The following CFAP299 variants were observed in gnomAD, a reference collection of about 807,000 sequenced individuals.
CFAP299 encodes the protein cilia and flagella associated protein 299.
In CFAP299, 21 loss-of-function variants were observed where a neutral mutation model predicts 27.0. The ratio of observed to expected loss-of-function variants is 0.78; its 90% CI spans 0.55 to 1.12. CFAP299 has a LOEUF of 1.12. CFAP299 is among the 50% of genes most tolerant of loss of function. The probability of loss-of-function intolerance (pLI) is 0.00; values close to 1 mark genes in which losing one functional copy is unlikely to be tolerated. For synonymous variants in CFAP299, 104 were observed against 98.1 expected (o/e 1.06, Z -0.36); for missense variants, 310 against 276.6 (o/e 1.12, Z -0.86).
intron 3 of CFAP299, among the ~76,000 whole-genome samples, chr4:80,645,995 T>A (rs915818111): frequency 6.6e-6 from 1 of 152,212 alleles, no homozygotes; most frequent in Non-Finnish European, 1.5e-5. Context: ...TTTAGCATAA[T>A]CTTGAAATAT....
At chr4:80,417,263 C>T (rs1727064077) in intron 2 of CFAP299, among the ~76,000 whole-genome samples, 1 of 152,116 alleles carries the variant, frequency 6.6e-6, no homozygotes, top group Admixed American at 6.5e-5. Context: ...CTCTTATCAC[C>T]ATCTTGGTTT....
At position 80,339,084 on chromosome 4, in the gene CFAP299, G is replaced by C. The variant is rs149869473; in HGVS notation, c.111+3205G>C. Among the ~76,000 whole-genome samples, 161 of 152,264 alleles carry C rather than the reference G, an allele frequency of 1.1e-3. 3 individuals are homozygous for C. Among genetic ancestry groups the C allele is most frequent in the African/African-American group, 3.7e-3 (153 of 41,552 alleles). On this transcript the variant is annotated intron_variant, in intron 1 of 5. Transcript: ENST00000358105. ...ATTTATTCCCTGCCATCTTCCTACT[G>C]TCTGTGGTTTAGAAGCAGCTACCTT...
chr4:80,629,950 C>G (rs947103928), intron 3 of CFAP299, among the ~76,000 whole-genome samples: 4 of 150,318 alleles, frequency 2.7e-5, no homozygotes, highest in African/African-American at 9.8e-5. Context: ...CCAACTGAAA[C>G]TTTTCTGAAT....
intron 3 of CFAP299, among the ~76,000 whole-genome samples, chr4:80,655,449 A>G (rs1740506883): frequency 6.6e-6 from 1 of 152,148 alleles, no homozygotes; most frequent in African/African-American, 2.4e-5. Flanking sequence ...CAAGTCTGTA[A>G]AAGCTAGAAT....
intron 3 of CFAP299, among the ~76,000 whole-genome samples, chr4:80,637,015 ATTGT>A (rs1739489309): frequency 6.6e-6 from 1 of 152,196 alleles, no homozygotes; most frequent in Non-Finnish European, 1.5e-5. Context: ...CTATCAAATA[ATTGT>A]TTGAAACTCC....
intron 2 of CFAP299, among the ~76,000 whole-genome samples, chr4:80,475,902 C>A (rs1730250692): frequency 6.6e-6 from 1 of 152,106 alleles, no homozygotes; most frequent in South Asian, 2.1e-4. Flanking sequence ...GAAAAAGATT[C>A]AATGAGGCTG....
At chr4:80,603,277 T>C (rs1737460043) in intron 3 of CFAP299, among the ~76,000 whole-genome samples, 1 of 152,172 alleles carries the variant, frequency 6.6e-6, no homozygotes, top group Non-Finnish European at 1.5e-5. Flanking sequence ...GAAGGATGAA[T>C]GGATGTGAAA....
At chr4:80,585,922 G>T (rs974029970) in intron 3 of CFAP299, among the ~76,000 whole-genome samples, 2 of 152,284 alleles carry the variant, frequency 1.3e-5, no homozygotes, top group South Asian at 4.1e-4. Context: ...TTGTTTTTAT[G>T]TAAGAAATAG....
At chr4:80,714,478 A>G (rs329394) in intron 3 of CFAP299, among the ~76,000 whole-genome samples, 119,731 of 151,946 alleles carry the variant, frequency 0.79, 49,404 homozygotes, top group East Asian at 0.97. Flanking sequence ...GCTAATCCTT[A>G]AAATATTATC....
intron 2 of CFAP299, among the ~76,000 whole-genome samples, chr4:80,372,689 C>A (rs2110010653): frequency 6.6e-6 from 1 of 152,268 alleles, no homozygotes; most frequent in South Asian, 2.1e-4. Flanking sequence ...CCAGGTACTA[C>A]TCATTTCTTG....
intron 3 of CFAP299, among the ~76,000 whole-genome samples, chr4:80,641,417 C>T (rs1315705066): frequency 6.6e-6 from 1 of 152,052 alleles, no homozygotes; most frequent in Non-Finnish European, 1.5e-5. Flanking sequence ...GTTGGCCAGG[C>T]TGGTCTTGAA....
chr4:80,446,214 G>A (rs1376851938), intron 2 of CFAP299, among the ~76,000 whole-genome samples: 1 of 152,208 alleles, frequency 6.6e-6, no homozygotes, highest in Non-Finnish European at 1.5e-5. Flanking sequence ...GAACTCTGCA[G>A]TTGTCCATAT....
intron 3 of CFAP299, among the ~76,000 whole-genome samples, chr4:80,684,138 C>T (rs1720021224): frequency 6.6e-6 from 1 of 152,034 alleles, no homozygotes; most frequent in Non-Finnish European, 1.5e-5. Flanking sequence ...CGATTATGTT[C>T]TTTCTGTTAT....
At chr4:80,344,567 G>T (rs912946572) in intron 1 of CFAP299, among the ~76,000 whole-genome samples, 14 of 152,130 alleles carry the variant, frequency 9.2e-5, no homozygotes, top group Middle Eastern at 3.4e-3. Context: ...TCTACCAGAG[G>T]TATAAAGAAG....
intron 3 of CFAP299, among the ~76,000 whole-genome samples, chr4:80,762,313 T>C (rs1473907441): frequency 6.6e-6 from 1 of 152,112 alleles, no homozygotes; most frequent in Non-Finnish European, 1.5e-5. Context: ...TTTGACCTTG[T>C]GGATAAAATT....
At chr4:80,656,890 G>A (rs1740584903) in intron 3 of CFAP299, among the ~76,000 whole-genome samples, 1 of 152,046 alleles carries the variant, frequency 6.6e-6, no homozygotes, top group African/African-American at 2.4e-5. Context: ...AGCATCAGTT[G>A]TTTCCTGACT....
chr4:80,651,553 T>G (rs926361846), intron 3 of CFAP299, among the ~76,000 whole-genome samples: 5 of 151,756 alleles, frequency 3.3e-5, no homozygotes, highest in African/African-American at 1.2e-4. Context: ...TTTGTAGAGA[T>G]AGGGTCTCTC....
chr4:80,939,313 C>T (rs1277684623), intron 4 of CFAP299, among the ~76,000 whole-genome samples: 3 of 152,084 alleles, frequency 2.0e-5, no homozygotes, highest in Admixed American at 2.0e-4. Context: ...CATATACTGT[C>T]TCATTTGATG....
At chr4:80,368,268 T>C (rs1486030689) in intron 2 of CFAP299, among the ~76,000 whole-genome samples, 1 of 152,204 alleles carries the variant, frequency 6.6e-6, no homozygotes, top group Non-Finnish European at 1.5e-5. Context: ...TGTATATACA[T>C]GGATCCCTAT....
Sources: allele counts gnomAD v4.1 joint callset (sites outside exome capture counted in the v4.1 genomes callset), GRCh38; gene constraint gnomAD v4.1.1; transcripts MANE v1.5; gene names NCBI Gene and HGNC (gene_info 2026-07-23, HGNC 2026-07-21).